TAT: variants seen among roughly 807,000 people sequenced by gnomAD.
The protein encoded by TAT is tyrosine aminotransferase, also known as L-tyrosine:2-oxoglutarate aminotransferase.
Under a neutral mutation model 53.6 loss-of-function variants are expected in TAT, and 35 were observed. That is an observed-to-expected ratio of 0.65 (90% CI 0.50 to 0.87). TAT has a LOEUF of 0.87. Ranked by LOEUF, TAT falls within the 40% of genes least tolerant of loss-of-function variation. The pLI is 0.00. For missense variants in TAT, 525 were observed against 571.8 expected, an observed-to-expected ratio of 0.92 and a Z score of 0.83; for synonymous variants, 197 against 206.5, an observed-to-expected ratio of 0.95 and a Z score of 0.39.
At chr16:71,572,496 G>A in intron 5 of TAT, 34 bp downstream of exon 5, 1 of 1,613,870 alleles carries the variant, frequency 6.2e-7, no homozygotes, top group Non-Finnish European at 8.5e-7. Context: ...GTTAGTAACT[G>A]AGCATTTGAG....
intron 1 of TAT, 94 bp from the exon 2 acceptor site, chr16:71,576,521 A>G: frequency 3.8e-6 from 4 of 1,054,424 alleles, no homozygotes; most frequent in South Asian, 2.6e-5. Context: ...TGACTTCACT[A>G]AAAGTGTCTT....
At chr16:71,574,165 T>C (rs1373623371) in intron 3 of TAT, among the ~76,000 whole-genome samples, 1 of 152,260 alleles carries the variant, frequency 6.6e-6, no homozygotes, top group Non-Finnish European at 1.5e-5. Flanking sequence ...AATGTATAAA[T>C]GATAACAAGG....
chr16:71,574,038 G>A (rs548235324), intron 3 of TAT, among the ~76,000 whole-genome samples: 1 of 152,296 alleles, frequency 6.6e-6, no homozygotes, highest in South Asian at 2.1e-4. Context: ...CCCAGCATGG[G>A]CTTCAGGCTG....
At chr16:71,569,392 A>G (rs1390677849) in intron 10 of TAT, among the ~76,000 whole-genome samples, 2 of 151,886 alleles carry the variant, frequency 1.3e-5, no homozygotes, top group African/African-American at 2.4e-5. Flanking sequence ...ACGGGAGTAC[A>G]GTGGCACGAT....
At position 71,571,223 on chromosome 16, in the gene TAT, T is replaced by C. The variant is rs564971408; in HGVS notation, c.759+383A>G. 5.9e-5 allele frequency among the ~76,000 whole-genome samples: 9 copies of C among 152,296 alleles called. No homozygotes were observed. The South Asian group carries it at 1.7e-3, about 28-fold the overall frequency. ...AATGGTTTGGGCTTCAGAAAGGCCA[T>C]GTAGCACACTTACCATACGTTATGT... On this transcript the variant is annotated intron_variant, in intron 7 of 11. Transcript: ENST00000355962.
At chr16:71,570,099 G>T (rs924688218) in intron 9 of TAT, among the ~76,000 whole-genome samples, 162 bp from the exon 10 acceptor site, 2 of 152,172 alleles carry the variant, frequency 1.3e-5, no homozygotes, top group Admixed American at 6.5e-5. Flanking sequence ...TTTTCACCAG[G>T]GGCAGAGAGA....
At chr16:71,572,066 T>C in intron 6 of TAT, 120 bp downstream of exon 6, 1 of 1,289,494 alleles carries the variant, frequency 7.8e-7, no homozygotes, top group Non-Finnish European at 1.1e-6. Flanking sequence ...GAGACATCAG[T>C]GGAGCTCCCC....
chr16:71,575,933 G>A lies in TAT; in HGVS notation c.329C>T (p.Ala110Val). The A allele has an allele frequency of 6.2e-7, 1 of 1,614,152 alleles. No individual in the cohort carries two copies. Among genetic ancestry groups the A allele is most frequent in the Non-Finnish European group, 8.5e-7 (1 of 1,180,000 alleles). Residue 110 changes from alanine (A) to valine (V), a missense_variant, in exon 3 of 12, where the codon GCC becomes GTC. Coordinates refer to ENST00000355962, the MANE Select transcript of TAT (RefSeq NM_000353.3). ...ALDSGKYNGY[A>V]PSIGFLSSRE... ...CAGGAGGAGCTTACCGATGGATGGG[G>A]CATAGCCATTATATTTGCCCGAGTC...
At chr16:71,571,376 T>A (rs997704189) in intron 7 of TAT, among the ~76,000 whole-genome samples, 2 of 152,166 alleles carry the variant, frequency 1.3e-5, no homozygotes, top group African/African-American at 4.8e-5. Flanking sequence ...AAATATCAGG[T>A]CAAATCAGGT....
intron 11 of TAT, 73 bp downstream of exon 11, chr16:71,568,638 A>G: frequency 8.3e-7 from 1 of 1,199,130 alleles, no homozygotes. Flanking sequence ...AGATCAGGCT[A>G]AAAACCAGCT....
chr16:71,569,764 C>T, intron 10 of TAT, 90 bp downstream of exon 10: 1 of 1,258,702 alleles, frequency 7.9e-7, no homozygotes, highest in Non-Finnish European at 1.1e-6. Flanking sequence ...GTCTTTGTAC[C>T]CTGCGTGACT....
chr16:71,574,178 G>A (rs1435399861), intron 3 of TAT, among the ~76,000 whole-genome samples: 1 of 152,242 alleles, frequency 6.6e-6, no homozygotes, highest in African/African-American at 2.4e-5. Flanking sequence ...TAACAAGGAA[G>A]AGCTCCCCAA....
At position 71,567,889 on chromosome 16, in the gene TAT, T is replaced by C; in HGVS notation, c.*255A>G. 2 of 499,248 alleles carry C rather than the reference T, an allele frequency of 4.0e-6. No homozygotes were observed. Among genetic ancestry groups the C allele is most frequent in the East Asian group, 3.7e-5 (1 of 27,210 alleles). The allele number at this position is 499,248 out of a possible 1,614,324, so 30.9% of individuals were successfully genotyped here. A position where few individuals can be genotyped will look rare whatever the true frequency, so the allele number is the denominator to read the frequency against. On this transcript the variant is annotated 3_prime_UTR_variant, in exon 12 of 12. Transcript: ENST00000355962. ...TTTCAAGAAAAAAAGAAGGAAATCTTACGAGAGGGAGGCAGATTAATGAAT... is the reference window on the plus strand; with the variant it reads ...TTTCAAGAAAAAAAGAAGGAAATCTCACGAGAGGGAGGCAGATTAATGAAT...
rs59287517 is a variant in TAT at position 71,565,701 on chromosome 16, G to GCACA, written c.*2439_*2442dup. The GCACA allele has an allele frequency of 0.25, 37,769 of 148,850 alleles. 4,910 individuals carry two copies. Among genetic ancestry groups the GCACA allele is most frequent in the Non-Finnish European group, 0.29 (19,238 of 67,398 alleles). 9.2% of individuals were successfully genotyped at this position (148,850 alleles called of 1,614,324 possible). On this transcript the variant is annotated 3_prime_UTR_variant, in exon 12 of 12. Transcript: ENST00000355962. ...TACTTTATTTGAAAAAATGAAAAGT[G>GCACA]CACACACACACACACACACACACAC...
chr16:71,568,813 T>C lies in TAT; in HGVS notation c.1126-4A>G, dbSNP rs779322863. ...AATGTTCCATCTCAATTCCAACCTA[T>C]ACCAACAGGAGGGAGAGGCCAACTT... is the stretch of plus-strand genomic sequence containing the variant. On this transcript the variant is annotated splice_region_variant and splice_polypyrimidine_tract_variant and intron_variant, in intron 10 of 11. Transcript: ENST00000355962. The C allele has an allele frequency of 1.2e-5, 20 of 1,612,434 alleles. No individual in the cohort carries two copies. Among genetic ancestry groups the C allele is most frequent in the Non-Finnish European group, 1.5e-5 (18 of 1,179,072 alleles).
In TAT at chr16:71,565,916, C is replaced by A. The variant is rs889119604; in HGVS notation, c.*2228G>T. On this transcript the variant is annotated 3_prime_UTR_variant, in exon 12 of 12. Coordinates refer to ENST00000355962, the MANE Select transcript of TAT (RefSeq NM_000353.3). ...TTTGAAGAACCATTGGCTCCCTTAT[C>A]AAAATGTAAATACCAAGGAAAATCA... The A allele has an allele frequency of 3.3e-5, 5 of 152,168 alleles. No homozygotes were observed. Among genetic ancestry groups the A allele is most frequent in the Non-Finnish European group, 7.3e-5 (5 of 68,036 alleles). 9.4% of individuals were successfully genotyped at this position (152,168 alleles called of 1,614,324 possible).
At chr16:71,573,986 G>A (rs991072560) in intron 3 of TAT, among the ~76,000 whole-genome samples, 15 of 152,082 alleles carry the variant, frequency 9.9e-5, no homozygotes, top group African/African-American at 2.9e-4. Context: ...CTGGCAAGAA[G>A]ATGAAGTTTT....
rs190776539 is a variant in TAT at position 71,567,891 on chromosome 16, C to T, written c.*253G>A. 2.8e-5 allele frequency: 14 copies of T among 501,648 alleles called. No individual in the cohort carries two copies. The highest frequency in any genetic ancestry group is 7.3e-5 in the East Asian group (2 of 27,520). The allele number at this position is 501,648 out of a possible 1,614,324, so 31.1% of individuals were successfully genotyped here. The stretch of plus-strand genomic sequence containing the variant: ...TCAAGAAAAAAAGAAGGAAATCTTA[C>T]GAGAGGGAGGCAGATTAATGAATTA... On this transcript the variant is annotated 3_prime_UTR_variant, in exon 12 of 12. Coordinates refer to ENST00000355962, the MANE Select transcript of TAT (RefSeq NM_000353.3).
In TAT at chr16:71,568,255, C is replaced by T. The variant is rs796561147; in HGVS notation, c.1254G>A (p.Val418=). ...TCATCACCTCGGGGACTGTGATGACCACTCGGATGAAATTCGGGTACTCAA... is the reference window on the plus strand; with the variant it reads ...TCATCACCTCGGGGACTGTGATGACTACTCGGATGAAATTCGGGTACTCAA... The part of the protein sequence containing the change: ...TCFEYPNFIR[V]VITVPEVMML... Residue 418 remains valine, a synonymous_variant, in exon 12 of 12, where the codon GTG becomes GTA. Coordinates refer to ENST00000355962, the MANE Select transcript of TAT (RefSeq NM_000353.3). The T allele has an allele frequency of 1.2e-6, 2 of 1,614,152 alleles. No homozygotes were observed. Among genetic ancestry groups the T allele is most frequent in the East Asian group, 2.2e-5 (1 of 44,874 alleles).
Sources: gnomAD v4.1 joint callset for allele counts (sites outside exome capture counted in the v4.1 genomes callset) on GRCh38, gnomAD v4.1.1 for gene constraint, MANE v1.5 for transcripts, NCBI Gene and HGNC (gene_info 2026-07-23, HGNC 2026-07-21) for gene names.